The following CAMSAP3 variants were observed in gnomAD, a reference collection of about 807,000 sequenced individuals.
CAMSAP3 encodes calmodulin regulated spectrin associated protein family member 3.
CAMSAP3 carries 34 observed loss-of-function variants against 112.5 expected under a neutral mutation model. The observed-to-expected ratio is 0.30, with a 90% CI of 0.23 to 0.40. CAMSAP3 has a LOEUF of 0.40. Among genes scored for constraint, CAMSAP3 ranks in the 10% least tolerant of loss-of-function variants. The probability of loss-of-function intolerance (pLI) is 1.00; values close to 1 mark genes in which losing one functional copy is unlikely to be tolerated. For synonymous variants in CAMSAP3, 868 were observed against 799.8 expected (o/e 1.09, Z -1.44); for missense variants, 1,602 against 1,770.3 (o/e 0.90, Z 1.71).
intron 2 of CAMSAP3, 135 bp from the exon 3 acceptor site, chr19:7,606,136 G>GGCCCCCCCCCCCCCCCCCC: frequency 2.0e-6 from 1 of 511,800 alleles, no homozygotes. Context: ...TGAACCACTG[G>GGCCCCCCCCCCCCCCCCCC]CCCCGCCCCC....
At chr19:7,602,848 GAT>G (rs80143950) in intron 1 of CAMSAP3, among the ~76,000 whole-genome samples, 19,011 of 151,264 alleles carry the variant, frequency 0.13, 1,259 homozygotes, top group Non-Finnish European at 0.15. Context: ...CGGGCCCACA[GAT>G]ATGCTTTGGA....
At chr19:7,603,006 G>T (rs1417426602) in intron 1 of CAMSAP3, among the ~76,000 whole-genome samples, 1 of 152,004 alleles carries the variant, frequency 6.6e-6, no homozygotes, top group African/African-American at 2.4e-5. Context: ...GATGAGAGGG[G>T]CAAAAAGAAG....
chr19:7,605,203 G>A, intron 1 of CAMSAP3, 23 bp from the exon 2 acceptor site: 4 of 1,457,036 alleles, frequency 2.7e-6, no homozygotes, highest in Non-Finnish European at 3.7e-6. Context: ...TGACCCCCGT[G>A]TTTCCCCTCT....
chr19:7,608,233 C>A lies in CAMSAP3; in HGVS notation c.729C>A (p.His243Gln). The A allele has an allele frequency of 6.2e-7, 1 of 1,612,820 alleles. No individual in the cohort carries two copies. The highest frequency in any genetic ancestry group is 8.5e-7 in the Non-Finnish European group (1 of 1,179,804). ...ASGAALAATI[H>Q]CYCPQLLRLE... ...GGGCCGCGCTGGCCGCCACCATCCA[C>A]TGCTATTGTCCCCAGCTGCTTCGAC... Residue 243 changes from histidine (H) to glutamine (Q), a missense_variant, in exon 5 of 17, where the codon CAC becomes CAA. Coordinates refer to ENST00000160298, the MANE Select transcript of CAMSAP3 (RefSeq NM_020902.2).
chr19:7,601,711 CTAAAATAAAATAAAATAAAA>C (rs55921076), intron 1 of CAMSAP3, among the ~76,000 whole-genome samples: 6 of 133,030 alleles, frequency 4.5e-5, no homozygotes, highest in Non-Finnish European at 7.9e-5. Flanking sequence ...GACCCCATCT[CTAAAATAAAATAAAATAAAA>C]TAAAATAAAA....
At position 7,615,478 on chromosome 19, in the gene CAMSAP3, T is replaced by G; in HGVS notation, c.2871T>G (p.Thr957=). ...TTGTGTCCGCAGTCCCGATGGCGAC[T>G]CCAGCCCCTGCTGCCCGGGCTCCAG... ...APLVSAVPMA[T]PAPAARAPAE... is the part of the protein sequence containing the mutation. Residue 957 remains threonine (T), a synonymous_variant, in exon 13 of 17, where the codon ACT becomes ACG. Transcript: ENST00000160298. The surrounding 1 kb of genome is among the most constrained non-coding windows in gnomAD (Gnocchi z 6.5). The G allele has an allele frequency of 6.5e-7, 1 of 1,540,758 alleles. No individual in the cohort carries two copies. Among genetic ancestry groups the G allele is most frequent in the Non-Finnish European group, 8.7e-7 (1 of 1,145,856 alleles).
At chr19:7,598,652 A>T (rs577841105) in intron 1 of CAMSAP3, among the ~76,000 whole-genome samples, 1 of 152,122 alleles carries the variant, frequency 6.6e-6, no homozygotes, top group African/African-American at 2.4e-5. Context: ...GCCGGGAATG[A>T]TGGCACACGT....
chr19:7,610,437 C>T lies in CAMSAP3; in HGVS notation c.761-39C>T. On this transcript the variant is annotated intron_variant, in intron 5 of 16. Transcript: ENST00000160298. The surrounding 1 kb of genome is among the most constrained non-coding windows in gnomAD (Gnocchi z 4.9). ...GGCTTCCCTGGGGCCCCATCCTCCT[C>T]CTCATAGAGTTGGGGACCCACTCCT... The T allele has an allele frequency of 6.3e-7, 1 of 1,575,136 alleles. No homozygotes were observed. Among genetic ancestry groups the T allele is most frequent in the Middle Eastern group, 1.7e-4 (1 of 5,854 alleles).
intron 1 of CAMSAP3, among the ~76,000 whole-genome samples, chr19:7,599,575 C>T: frequency 8.4e-6 from 1 of 118,798 alleles, no homozygotes; most frequent in African/African-American, 3.3e-5. Flanking sequence ...TCCATCCATC[C>T]ATCCATCCAT....
At chr19:7,606,436 G>A (rs2030226567) in intron 3 of CAMSAP3, 40 bp from the exon 4 acceptor site, 4 of 1,610,872 alleles carry the variant, frequency 2.5e-6, no homozygotes, top group Non-Finnish European at 1.7e-6. Flanking sequence ...GACCAGCATC[G>A]TCCAGTGGCC....
In CAMSAP3 at chr19:7,610,800, CCCTGGGGG is replaced by C. The variant is rs1196051750; in HGVS notation, c.994+18_994+25del. The C allele has an allele frequency of 1.2e-6, 2 of 1,612,952 alleles. No homozygotes were observed. Among genetic ancestry groups the C allele is most frequent in the Admixed American group, 1.7e-5 (1 of 60,004 alleles). ...GACTTGCCCGATGGTCACGGTGAGGCCCTGGGGGCCTGGGGGCCGGGTCGGGGGCGGGT... is the reference window on the plus strand; with the variant it reads ...GACTTGCCCGATGGTCACGGTGAGGCCCTGGGGGCCGGGTCGGGGGCGGGT... On this transcript the variant is annotated splice_region_variant and intron_variant, in intron 7 of 16. Transcript: ENST00000160298. The surrounding 1 kb of genome is among the most constrained non-coding windows in gnomAD (Gnocchi z 4.9).
chr19:7,617,645 A>T lies in CAMSAP3; in HGVS notation c.3428A>T (p.Lys1143Met). Residue 1143 changes from lysine to methionine, a missense_variant, in exon 16 of 17, where the codon AAG (lysine) becomes ATG (methionine). Around this residue, in one of 6 missense-constraint regions of CAMSAP3, gnomAD observed 150 missense variants for 207.6 expected, o/e 0.72. Transcript: ENST00000160298. This position sits in a 1 kb window ranked among gnomAD's most constrained non-coding sequence, Gnocchi z 7.5. ...CLAGKVNEPQ[K>M]NRILEEIEKS... ...GCGGGCAAGGTGAACGAACCGCAGAAGAATCGCATTCTGGAGGTGAGCCCG... is the reference window on the plus strand; with the variant it reads ...GCGGGCAAGGTGAACGAACCGCAGATGAATCGCATTCTGGAGGTGAGCCCG... The T allele has an allele frequency of 1.9e-6, 3 of 1,614,150 alleles. No individual in the cohort carries two copies. Among genetic ancestry groups the T allele is most frequent in the Non-Finnish European group, 2.5e-6 (3 of 1,180,006 alleles).
chr19:7,616,032 A>G (rs773747457), intron 13 of CAMSAP3, among the ~76,000 whole-genome samples: 7 of 149,380 alleles, frequency 4.7e-5, no homozygotes, highest in Non-Finnish European at 1.0e-4. Context: ...TCTATTAAAA[A>G]TACAAAAATT....
At position 7,607,938 on chromosome 19, in the gene CAMSAP3, G is replaced by A. The variant is rs984105534; in HGVS notation, c.622-188G>A. ...GCCCCCGCTGCTGGCCTGGCTGCTC[G>A]AAGACATCTCCTCTGCCTCTTGCTG... On this transcript the variant is annotated intron_variant, in intron 4 of 16. Coordinates refer to ENST00000160298, the MANE Select transcript of CAMSAP3 (RefSeq NM_020902.2). This position sits in a 1 kb window ranked among gnomAD's most constrained non-coding sequence, Gnocchi z 4.9. 18 of 839,768 alleles carry A rather than the reference G, an allele frequency of 2.1e-5. No individual in the cohort carries two copies. In the East Asian group the frequency reaches 2.7e-4, roughly 13 times the overall value. The allele number at this position is 839,768 out of a possible 1,614,324, so 52.0% of individuals were successfully genotyped here.
At position 7,611,692 on chromosome 19, in the gene CAMSAP3, C is replaced by A; in HGVS notation, c.1199C>A (p.Pro400His). Residue 400 changes from proline to histidine, a missense_variant, in exon 11 of 17, where the codon CCC becomes CAC. Pro to His is a moderately conservative substitution (Grantham distance 77). Coordinates refer to ENST00000160298, the MANE Select transcript of CAMSAP3 (RefSeq NM_020902.2). The surrounding 1 kb of genome is among the most constrained non-coding windows in gnomAD (Gnocchi z 6.9). ...CCCTCCCTCCGGCCGCCCAGCCGTC[C>A]CCTCTCCCAGGCTGTGTCATTCAGC... ...GKAWNRQLSR[P>H]LSQAVSFSTP... 1 of 1,561,824 alleles carries A rather than the reference C, an allele frequency of 6.4e-7. No homozygotes were observed. Among genetic ancestry groups the A allele is most frequent in the Non-Finnish European group, 8.7e-7 (1 of 1,151,206 alleles).
chr19:7,613,118 G>A lies in CAMSAP3; in HGVS notation c.2625G>A (p.Ala875=), dbSNP rs2030598394. ...CTGAGGATTCCTTGGAGGAGGAGGC[G>A]TCTTCGGAGGGGGAGCCCCGGGTGG... ...AGAEDSLEEE[A]SSEGEPRVGL... The change falls in exon 11 of 17, where the codon GCG becomes GCA. Residue 875 remains alanine (A), a synonymous_variant. Transcript: ENST00000160298. 1.3e-6 allele frequency: 2 copies of A among 1,543,728 alleles called. No individual in the cohort carries two copies. Among genetic ancestry groups the A allele is most frequent in the African/African-American group, 1.4e-5 (1 of 72,210 alleles).
At chr19:7,608,404 C>G in intron 5 of CAMSAP3, 140 bp downstream of exon 5, 2 of 1,009,106 alleles carry the variant, frequency 2.0e-6, no homozygotes, top group Non-Finnish European at 2.9e-6. Context: ...ACTGGCAGGC[C>G]TGAGTTTGTG....
Position 7,606,502 on chromosome 19 carries a change from C to G in CAMSAP3, c.552C>G (p.Thr184=). The part of the protein sequence containing the change: ...DTTVRRLQEK[T]EQEAAQRASP... ...CCGTCCGGCGGCTGCAGGAGAAGAC[C>G]GAGCAGGAAGCGGCCCAGCGAGCCT... Residue 184 remains threonine (T), a synonymous_variant, in exon 4 of 17, where the codon ACC becomes ACG. Transcript: ENST00000160298. 1 of 1,569,920 alleles carries G rather than the reference C, an allele frequency of 6.4e-7. No individual in the cohort carries two copies. The highest frequency in any genetic ancestry group is 8.6e-7 in the Non-Finnish European group (1 of 1,165,906).
In CAMSAP3 at chr19:7,607,938, G is replaced by T. The variant is rs984105534; in HGVS notation, c.622-188G>T. ...GCCCCCGCTGCTGGCCTGGCTGCTCGAAGACATCTCCTCTGCCTCTTGCTG... is the reference window on the plus strand; with the variant it reads ...GCCCCCGCTGCTGGCCTGGCTGCTCTAAGACATCTCCTCTGCCTCTTGCTG... On this transcript the variant is annotated intron_variant, in intron 4 of 16. Coordinates refer to ENST00000160298, the MANE Select transcript of CAMSAP3 (RefSeq NM_020902.2). The surrounding 1 kb of genome is among the most constrained non-coding windows in gnomAD (Gnocchi z 4.9). 7 of 839,768 alleles carry T rather than the reference G, an allele frequency of 8.3e-6. No homozygotes were observed. Among genetic ancestry groups the T allele is most frequent in the South Asian group, 1.5e-5 (1 of 68,732 alleles). 52.0% of individuals were successfully genotyped at this position (839,768 alleles called of 1,614,324 possible).
Sources: allele counts gnomAD v4.1 joint callset (sites outside exome capture counted in the v4.1 genomes callset), GRCh38; gene constraint gnomAD v4.1.1; regional missense constraint gnomAD v4.1.1; non-coding constraint Gnocchi (gnomAD v3.1); transcripts MANE v1.5; gene names NCBI Gene and HGNC (gene_info 2026-07-23, HGNC 2026-07-21).